The following TBCD variants were observed in gnomAD, a reference collection of about 807,000 sequenced individuals.
The protein encoded by TBCD is tubulin folding cofactor D, also known as tubulin-specific chaperone D.
A neutral mutation model predicts 169.3 loss-of-function variants in TBCD; 105 were observed. The ratio of observed to expected loss-of-function variants is 0.62; its 90% CI spans 0.53 to 0.73. The LOEUF (loss-of-function observed/expected upper bound fraction) is 0.73, where lower values mean the gene tolerates loss of function less well. TBCD is among the 30% of genes least tolerant of loss of function. The pLI is 0.00. For missense variants in TBCD, 1,444 were observed against 1,600.1 expected, an observed-to-expected ratio of 0.90 and a Z score of 1.66; for synonymous variants, 700 against 643.9, an observed-to-expected ratio of 1.09 and a Z score of -1.32.
intron 23 of TBCD, among the ~76,000 whole-genome samples, chr17:82,917,894 C>T (rs1174594647): frequency 6.6e-6 from 1 of 152,030 alleles, no homozygotes. Context: ...CCCCGCCGCT[C>T]TGTCCCTCTC....
chr17:82,852,652 C>T (rs933962741), intron 13 of TBCD, among the ~76,000 whole-genome samples: 2 of 152,172 alleles, frequency 1.3e-5, no homozygotes, highest in African/African-American at 2.4e-5. Flanking sequence ...CTCTAAGGGC[C>T]ACATCTCCAG....
chr17:82,827,255 G>C (rs2052934745), intron 13 of TBCD, among the ~76,000 whole-genome samples: 1 of 152,240 alleles, frequency 6.6e-6, no homozygotes, highest in Admixed American at 6.5e-5. Context: ...CCTGTGAAGT[G>C]ATGCGTTGAC....
At position 82,900,666 on chromosome 17, in the gene TBCD, C is replaced by T. The variant is rs1243926259; in HGVS notation, c.1665C>T (p.Gly555=). 6.8e-6 allele frequency: 11 copies of T among 1,613,842 alleles called. No homozygotes were observed. The highest frequency in any genetic ancestry group is 8.5e-6 in the Non-Finnish European group (10 of 1,179,856). Residue 555 remains glycine (G), a synonymous_variant, in exon 18 of 39, where the codon GGC becomes GGT. Coordinates refer to ENST00000355528, the MANE Select transcript of TBCD (RefSeq NM_005993.5). ...CFLVISVFIA[G]FPEYTQPMID... is the part of the protein sequence containing the mutation. ...TCTTTTCCAGTGTGTTTATTGCCGG[C>T]TTTCCTGAGTACACGCAGCCAATGA...
At position 82,753,802 on chromosome 17, in the gene TBCD, C is replaced by T. The variant is rs116802197; in HGVS notation, c.184+1425C>T. 9.0e-3 allele frequency among the ~76,000 whole-genome samples: 1,358 copies of T among 150,652 alleles called. 22 individuals carry two copies. Among genetic ancestry groups the T allele is most frequent in the African/African-American group, 0.031 (1,253 of 40,896 alleles). ...CCCAGATAGAGTTGATTTGTCAGGG[C>T]AGGGGAGTTGCCATGGAGAAGATTT... On this transcript the variant is annotated intron_variant, in intron 1 of 38. Coordinates refer to ENST00000355528, the MANE Select transcript of TBCD (RefSeq NM_005993.5).
At chr17:82,836,751 T>A (rs755897709) in intron 13 of TBCD, among the ~76,000 whole-genome samples, 1 of 149,702 alleles carries the variant, frequency 6.7e-6, no homozygotes, top group Non-Finnish European at 1.5e-5. Flanking sequence ...ACAAAACCCG[T>A]GTTGGTTAGA....
chr17:82,817,181 A>G (rs140674084), intron 13 of TBCD, among the ~76,000 whole-genome samples: 1 of 152,294 alleles, frequency 6.6e-6, no homozygotes, highest in African/African-American at 2.4e-5. Flanking sequence ...CCCAGGCTAG[A>G]GTGCAGTGGC....
chr17:82,870,678 C>G (rs1227104274), intron 14 of TBCD, among the ~76,000 whole-genome samples: 3 of 152,188 alleles, frequency 2.0e-5, no homozygotes, highest in Non-Finnish European at 4.4e-5. Flanking sequence ...TTCCGGAGGT[C>G]TTGGTCACCC....
intron 38 of TBCD, 198 bp downstream of exon 38, chr17:82,941,681 C>CCTGG: frequency 1.7e-6 from 1 of 574,382 alleles, no homozygotes; most frequent in Non-Finnish European, 3.0e-6. Context: ...GCCCCTGTGG[C>CCTGG]ATCCAGGCCA....
Position 82,864,737 on chromosome 17 carries a change from C to T in TBCD, c.1319-5487C>T, listed in dbSNP as rs1317004029. Among the ~76,000 whole-genome samples, 1 of 152,054 alleles carries T rather than the reference C, an allele frequency of 6.6e-6. No homozygotes were observed. The highest frequency in any genetic ancestry group is 1.5e-5 in the Non-Finnish European group (1 of 67,998). On this transcript the variant is annotated intron_variant, in intron 13 of 38. Transcript: ENST00000355528. The surrounding 1 kb of genome is among the most constrained non-coding windows in gnomAD (Gnocchi z 6.3). Reference sequence around the variant, plus strand: ...ACCGAGGCCGGGGTTGTGCTTGGGGCACTGGGGGAGAGCAGAGCAGGTGAT... The same window carrying T: ...ACCGAGGCCGGGGTTGTGCTTGGGGTACTGGGGGAGAGCAGAGCAGGTGAT...
In TBCD at chr17:82,922,964, C is replaced by T. The variant is rs1420265274; in HGVS notation, c.2179-688C>T. Among the ~76,000 whole-genome samples, 3 of 152,236 alleles carry T rather than the reference C, an allele frequency of 2.0e-5. No homozygotes were observed. Among genetic ancestry groups the T allele is most frequent in the African/African-American group, 7.2e-5 (3 of 41,464 alleles). ...CGGGACTGGTGACTCTCTGCCCGCT[C>T]CTGCTCTGTGCAGCAATTGCCGTCC... On this transcript the variant is annotated intron_variant, in intron 25 of 38. Transcript: ENST00000355528. This position sits in a 1 kb window ranked among gnomAD's most constrained non-coding sequence, Gnocchi z 4.1.
chr17:82,768,294 T>G (rs1598410094), intron 4 of TBCD, 126 bp from the exon 5 acceptor site: 1 of 1,149,808 alleles, frequency 8.7e-7, no homozygotes. Flanking sequence ...GCCCTGAGGG[T>G]GATGGCATTT....
At chr17:82,899,529 T>C (rs2059750750) in intron 17 of TBCD, among the ~76,000 whole-genome samples, 1 of 152,276 alleles carries the variant, frequency 6.6e-6, no homozygotes, top group Admixed American at 6.5e-5. Context: ...TCTGTGGCTA[T>C]ACAATTTTTC....
chr17:82,797,062 C>G (rs1430038013), intron 7 of TBCD, among the ~76,000 whole-genome samples: 1 of 152,184 alleles, frequency 6.6e-6, no homozygotes, highest in Non-Finnish European at 1.5e-5. Context: ...GGGCTCAGTT[C>G]TAGGATTCTT....
intron 13 of TBCD, chr17:82,830,489 C>T (rs771099904): frequency 5.9e-5 from 95 of 1,613,202 alleles, no homozygotes; most frequent in South Asian, 3.3e-5. Context: ...GTGGGTGGGG[C>T]CCCGTCACCG....
rs1172461501 is a variant in TBCD, at chr17:82,754,962, TGCCC to T, written c.185-1201_185-1198del. Reference sequence around the variant, plus strand: ...CAATCAGTTTAGAAGGTTAAGGGTGTGCCCGTGAGGCAGCCTCAGGAGGTCACAT... The same window carrying T: ...CAATCAGTTTAGAAGGTTAAGGGTGTGTGAGGCAGCCTCAGGAGGTCACAT... On this transcript the variant is annotated intron_variant, in intron 1 of 38. Coordinates refer to ENST00000355528, the MANE Select transcript of TBCD (RefSeq NM_005993.5). Among the ~76,000 whole-genome samples the T allele has an allele frequency of 2.0e-5, 3 of 152,206 alleles. 1 individual carries two copies. The highest frequency in any genetic ancestry group is 7.2e-5 in the African/African-American group (3 of 41,446).
chr17:82,847,097 A>G (rs2055195311), intron 13 of TBCD, among the ~76,000 whole-genome samples: 1 of 152,190 alleles, frequency 6.6e-6, no homozygotes, highest in Non-Finnish European at 1.5e-5. Context: ...CACGCCTGTA[A>G]TCCCAGCACT....
In TBCD at chr17:82,880,278, A is replaced by G. The variant is rs2058264891; in HGVS notation, c.1476-3867A>G. ...ATCCTCCTGCCTCTGCCTCCCACAG[A>G]CAGATGGAGCACAGGTGTAGCCAGG... On this transcript the variant is annotated intron_variant, in intron 14 of 38. Transcript: ENST00000355528. The surrounding 1 kb of genome is among the most constrained non-coding windows in gnomAD (Gnocchi z 5.0). 6.6e-6 allele frequency among the ~76,000 whole-genome samples: 1 copy of G among 152,130 alleles called. No homozygotes were observed. The highest frequency in any genetic ancestry group is 1.5e-5 in the Non-Finnish European group (1 of 68,024).
intron 36 of TBCD, among the ~76,000 whole-genome samples, chr17:82,938,570 T>C (rs540201059): frequency 6.6e-6 from 1 of 152,332 alleles, no homozygotes; most frequent in East Asian, 1.9e-4. Flanking sequence ...AGTAACTTCA[T>C]GTTGTATGGT....
chr17:82,752,440 C>T, intron 1 of TBCD, 63 bp downstream of exon 1: 1 of 1,158,448 alleles, frequency 8.6e-7, no homozygotes, highest in Non-Finnish European at 1.1e-6. Context: ...GCTGAGTGCA[C>T]TTTACCGGGC....
Sources: gnomAD v4.1 joint callset for allele counts (sites outside exome capture counted in the v4.1 genomes callset) on GRCh38, gnomAD v4.1.1 for gene constraint, Gnocchi (gnomAD v3.1) non-coding constraint, MANE v1.5 for transcripts, NCBI Gene and HGNC (gene_info 2026-07-23, HGNC 2026-07-21) for gene names.